Variants in PDXDC1 observed in about 807,000 individuals in gnomAD.
PDXDC1 encodes pyridoxal-dependent decarboxylase domain-containing protein 1.
In PDXDC1, 42 loss-of-function variants were observed where a neutral mutation model predicts 100.1. The ratio of observed to expected loss-of-function variants is 0.42; its 90% CI spans 0.33 to 0.54. The LOEUF (loss-of-function observed/expected upper bound fraction) is 0.54. Among genes scored for constraint, PDXDC1 ranks in the 20% least tolerant of loss-of-function variants. The pLI is 0.10. For missense variants in PDXDC1, 636 were observed against 979.2 expected (o/e 0.65, Z 4.68); for synonymous variants, 260 against 371.7 (o/e 0.70, Z 3.46).
intron 16 of PDXDC1, chr16:15,093,823 C>T (rs1016209848): frequency 4.9e-6 from 2 of 411,188 alleles, no homozygotes; most frequent in African/African-American, 4.2e-5. Flanking sequence ...CCAGGGAAAT[C>T]CCTTCCAAAT....
chr16:15,038,682 A>C (rs756246051), downstream of PDXDC1: 2 of 1,538,324 alleles, frequency 1.3e-6, no homozygotes, highest in South Asian at 2.3e-5. Context: ...CATAAATGCT[A>C]ATCATCTAAA....
chr16:15,002,893 G>A (rs1235068441), intron 4 of PDXDC1, among the ~76,000 whole-genome samples: 3 of 152,122 alleles, frequency 2.0e-5, no homozygotes, highest in African/African-American at 2.4e-5. Flanking sequence ...AGCATAATTC[G>A]AATTTGCAGG....
At chr16:15,096,827 C>T (rs1054516465) in intron 16 of PDXDC1, among the ~76,000 whole-genome samples, 2 of 152,206 alleles carry the variant, frequency 1.3e-5, no homozygotes, top group African/African-American at 4.8e-5. Context: ...ACCACCAAGC[C>T]CAGCTAATTT....
intron 16 of PDXDC1, chr16:15,094,153 C>T (rs753953182): frequency 1.3e-6 from 2 of 1,598,672 alleles, no homozygotes; most frequent in Non-Finnish European, 8.5e-7. Flanking sequence ...ACCCAGTCCT[C>T]GACGCGCCCA....
At chr16:15,034,049 C>T in intron 19 of PDXDC1, 1 of 581,390 alleles carries the variant, frequency 1.7e-6, no homozygotes, top group South Asian at 2.2e-5. Context: ...GACTTTATGA[C>T]TTCTCTGTTT....
intron 16 of PDXDC1, chr16:15,128,173 G>A (rs768788606): frequency 7.6e-5 from 123 of 1,609,870 alleles, no homozygotes; most frequent in Admixed American, 2.7e-4. Flanking sequence ...CTCGCAGGGC[G>A]CCCCAACGCG....
intron 1 of PDXDC1, among the ~76,000 whole-genome samples, chr16:14,983,102 T>C (rs1336100601): frequency 6.6e-6 from 1 of 152,224 alleles, no homozygotes; most frequent in Non-Finnish European, 1.5e-5. Flanking sequence ...TAGTTAGCCC[T>C]AAGAGGCCTC....
chr16:15,086,885 A>G (rs141480657), intron 16 of PDXDC1, among the ~76,000 whole-genome samples: 1 of 152,198 alleles, frequency 6.6e-6, no homozygotes, highest in Non-Finnish European at 1.5e-5. Context: ...AGGCTGATCA[A>G]TTGGGGTCAT....
intron 16 of PDXDC1, among the ~76,000 whole-genome samples, chr16:15,070,816 A>T (rs2966181): frequency 0.64 from 97,748 of 151,644 alleles, 33,203 homozygotes; most frequent in Non-Finnish European, 0.74. Flanking sequence ...CAAATGAAAA[A>T]ATGACAAACC....
chr16:15,042,977 C>T (rs199661434), downstream of PDXDC1, among the ~76,000 whole-genome samples: 47 of 151,052 alleles, frequency 3.1e-4, no homozygotes, highest in East Asian at 8.6e-3. Context: ...CTCAGCTCAC[C>T]GCAACCTATA....
rs1442002234 is a variant in PDXDC1, at chr16:15,130,507, T to G, written c.1400-8372T>G. ...AGCCCAGGCTCCGCCAGGTTGGATA[T>G]CGGAGTCCCAGAGCCCATACCCGGT... On this transcript the variant is annotated intron_variant, in intron 16 of 16. Transcript: ENST00000535621. 6 of 1,353,634 alleles carry G rather than the reference T, an allele frequency of 4.4e-6. No individual in the cohort carries two copies. The Admixed American group carries it at 1.0e-4, about 23-fold the overall frequency. The allele number at this position is 1,353,634 out of a possible 1,614,324, so 83.9% of individuals were successfully genotyped here.
chr16:15,097,326 G>C (rs1231816260), intron 16 of PDXDC1, among the ~76,000 whole-genome samples: 1 of 151,524 alleles, frequency 6.6e-6, no homozygotes, highest in Non-Finnish European at 1.5e-5. Flanking sequence ...GTTAATGTAA[G>C]TTATAAGAAC....
chr16:15,117,521 G>A (rs2047277606), intron 16 of PDXDC1, among the ~76,000 whole-genome samples: 1 of 151,474 alleles, frequency 6.6e-6, no homozygotes, highest in Admixed American at 6.6e-5. Context: ...GCCAGGCGTG[G>A]TGGTCTACTA....
intron 3 of PDXDC1, among the ~76,000 whole-genome samples, chr16:14,999,029 G>A (rs1366163662): frequency 2.6e-5 from 4 of 152,276 alleles, no homozygotes; most frequent in Non-Finnish European, 4.4e-5. Flanking sequence ...AGGTTACAGC[G>A]ATCTGTGATT....
At chr16:15,072,288 T>G in intron 16 of PDXDC1, among the ~76,000 whole-genome samples, 1 of 149,778 alleles carries the variant, frequency 6.7e-6, no homozygotes. Flanking sequence ...AGACAAAGCC[T>G]AAAGTTTTTA....
the PDXDC1 span, among the ~76,000 whole-genome samples, chr16:15,146,718 T>C: frequency 1.1e-4 from 17 of 152,070 alleles, no homozygotes; most frequent in Non-Finnish European, 2.5e-4. Flanking sequence ...CCTCAGGCTG[T>C]TACACTCTGC....
At chr16:15,056,128 C>G (rs1187286763) in intron 16 of PDXDC1, 14 of 178,530 alleles carry the variant, frequency 7.8e-5, no homozygotes, top group Non-Finnish European at 1.6e-4. Flanking sequence ...CAGGCGGAGG[C>G]GGTGCCGGCC....
chr16:15,140,671 C>T (rs1295356314), downstream of PDXDC1, among the ~76,000 whole-genome samples: 1 of 152,132 alleles, frequency 6.6e-6, no homozygotes, highest in Non-Finnish European at 1.5e-5. Context: ...AGTTACAAAC[C>T]AGGTCCTGGA....
intron 1 of PDXDC1, among the ~76,000 whole-genome samples, chr16:14,982,783 G>C (rs1486928401): frequency 6.6e-6 from 1 of 152,266 alleles, no homozygotes; most frequent in Non-Finnish European, 1.5e-5. Flanking sequence ...TATAATAGAC[G>C]TGTGTGGTGT....
Sources: gnomAD v4.1 joint callset for allele counts (sites outside exome capture counted in the v4.1 genomes callset) on GRCh38, gnomAD v4.1.1 for gene constraint, MANE v1.5 for transcripts, NCBI Gene and HGNC (gene_info 2026-07-23, HGNC 2026-07-21) for gene names.